ROBO2: variants seen among roughly 807,000 people sequenced by gnomAD.
ROBO2 encodes roundabout guidance receptor 2.
Under a neutral mutation model 160.8 loss-of-function variants are expected in ROBO2, and 53 were observed. The observed-to-expected ratio is 0.33, with a 90% CI of 0.26 to 0.41. The LOEUF is 0.41. ROBO2 is among the 10% of genes least tolerant of loss of function. The probability of loss-of-function intolerance (pLI) is 1.00; values close to 1 mark genes in which losing one functional copy is unlikely to be tolerated. For synonymous variants in ROBO2, 664 were observed against 611.7 expected (o/e 1.09, Z -1.26); for missense variants, 1,577 against 1,722.4 (o/e 0.92, Z 1.49).
At chr3:76,901,261 A>AATTTTT (rs1491125579) in intron 2 of ROBO2, among the ~76,000 whole-genome samples, 1 of 151,958 alleles carries the variant, frequency 6.6e-6, no homozygotes, top group African/African-American at 2.4e-5. Context: ...TTTAACTTTT[A>AATTTTT]ATTTTTATTT....
At position 77,309,131 on chromosome 3, in the gene ROBO2, T is replaced by C. The variant is rs549115785; in HGVS notation, c.389-168283T>C. On this transcript the variant is annotated intron_variant, in intron 2 of 25. Transcript: ENST00000461745. ...AAGTAATTTCAATTTATAGCTAGGA[T>C]TGAGAACCACTGGCTTAAAATCTAA... is the stretch of plus-strand genomic sequence containing the variant. Among the ~76,000 whole-genome samples, 6 of 152,112 alleles carry C rather than the reference T, an allele frequency of 3.9e-5. No individual in the cohort carries two copies. The East Asian group carries it at 1.2e-3, about 29-fold the overall frequency.
chr3:76,560,067 A>T (rs775180102), intron 2 of ROBO2, among the ~76,000 whole-genome samples: 1 of 152,028 alleles, frequency 6.6e-6, no homozygotes, highest in African/African-American at 2.4e-5. Context: ...CCCTTTCTGT[A>T]TATATTAATT....
intron 2 of ROBO2, among the ~76,000 whole-genome samples, chr3:76,633,154 T>A (rs2109495478): frequency 6.6e-6 from 1 of 152,294 alleles, no homozygotes; most frequent in African/African-American, 2.4e-5. Context: ...AATGTGTCAA[T>A]ACCAGGTACT....
intron 2 of ROBO2, among the ~76,000 whole-genome samples, chr3:76,704,898 A>AATTT (rs1313728913): frequency 6.6e-6 from 1 of 151,882 alleles, no homozygotes; most frequent in African/African-American, 2.4e-5. Flanking sequence ...TTAATTAATT[A>AATTT]ATTTATTTTG....
At chr3:76,959,060 T>C (rs1325001681) in intron 2 of ROBO2, among the ~76,000 whole-genome samples, 3 of 152,176 alleles carry the variant, frequency 2.0e-5, no homozygotes, top group African/African-American at 7.2e-5. Flanking sequence ...ACATTTTTCA[T>C]GTTGGAAACA....
At chr3:76,635,281 A>G (rs2090266797) in intron 2 of ROBO2, among the ~76,000 whole-genome samples, 1 of 152,170 alleles carries the variant, frequency 6.6e-6, no homozygotes. Context: ...GAATTATGCT[A>G]TCATCTTCGT....
intron 2 of ROBO2, among the ~76,000 whole-genome samples, chr3:77,450,976 C>T (rs1397562864): frequency 6.6e-6 from 1 of 151,996 alleles, no homozygotes; most frequent in Non-Finnish European, 1.5e-5. Context: ...AAGCATGTTC[C>T]AAACACCCTA....
intron 2 of ROBO2, among the ~76,000 whole-genome samples, chr3:77,323,470 C>T (rs914443927): frequency 1.3e-5 from 2 of 152,118 alleles, no homozygotes; most frequent in Non-Finnish European, 2.9e-5. Context: ...CCTGTTCTTT[C>T]TTCCAAAATT....
chr3:77,563,171 T>C (rs769479692), exon 11 of ROBO2: 1 of 1,613,164 alleles, frequency 6.2e-7, no homozygotes, highest in South Asian at 1.1e-5. Flanking sequence ...CTATAGAGTC[T>C]GGAGCAACAA....
intron 5 of ROBO2, among the ~76,000 whole-genome samples, chr3:77,500,800 A>G (rs2087480556): frequency 6.6e-6 from 1 of 152,110 alleles, no homozygotes; most frequent in Admixed American, 6.5e-5. Flanking sequence ...GGGGAGTGCA[A>G]GTTGCCTAGT....
At chr3:76,532,835 A>G (rs2082299751) in intron 2 of ROBO2, among the ~76,000 whole-genome samples, 1 of 152,232 alleles carries the variant, frequency 6.6e-6, no homozygotes, top group African/African-American at 2.4e-5. Context: ...ACATCATTAT[A>G]AAGTGTGAGA....
intron 2 of ROBO2, among the ~76,000 whole-genome samples, chr3:76,606,933 CATG>C (rs2087708944): frequency 6.6e-6 from 1 of 151,936 alleles, no homozygotes; most frequent in Non-Finnish European, 1.5e-5. Context: ...ATATATTTTT[CATG>C]ATTTTACATA....
chr3:76,984,598 C>G (rs1305425739), intron 2 of ROBO2, among the ~76,000 whole-genome samples: 2 of 152,032 alleles, frequency 1.3e-5, no homozygotes, highest in Non-Finnish European at 2.9e-5. Context: ...TTGGGTTTGC[C>G]ATCCTCCTAG....
At chr3:77,632,425 T>G (rs1415729985) in intron 23 of ROBO2, 6 of 1,386,320 alleles carry the variant, frequency 4.3e-6, no homozygotes, top group East Asian at 2.5e-5. Context: ...TACAAGCAGA[T>G]GAGATTTTCA....
intron 2 of ROBO2, among the ~76,000 whole-genome samples, chr3:76,852,682 C>G (rs1420685264): frequency 1.3e-5 from 2 of 152,070 alleles, no homozygotes; most frequent in Non-Finnish European, 1.5e-5. Context: ...TACCCCCAAT[C>G]TGAAATAATG....
intron 1 of ROBO2, among the ~76,000 whole-genome samples, chr3:77,068,125 G>T (rs954533802): frequency 6.6e-6 from 1 of 151,974 alleles, no homozygotes. Flanking sequence ...TTCTGTCATT[G>T]TTTTCATAAA....
At chr3:77,062,073 A>G (rs1343710497) in intron 1 of ROBO2, among the ~76,000 whole-genome samples, 1 of 152,178 alleles carries the variant, frequency 6.6e-6, no homozygotes, top group South Asian at 2.1e-4. Flanking sequence ...TCAAAACTGC[A>G]TCCTATGGTT....
intron 2 of ROBO2, among the ~76,000 whole-genome samples, chr3:76,650,827 A>G (rs73841265): frequency 0.029 from 4,453 of 152,244 alleles, 207 homozygotes; most frequent in African/African-American, 0.1. Flanking sequence ...GAGTACTGAG[A>G]TTATTTTGAA....
At chr3:76,563,990 G>T (rs1371228209) in intron 2 of ROBO2, among the ~76,000 whole-genome samples, 1 of 152,198 alleles carries the variant, frequency 6.6e-6, no homozygotes, top group Non-Finnish European at 1.5e-5. Context: ...TGGATCACTT[G>T]AGTTCAGGAG....
Sources: gnomAD v4.1 joint callset for allele counts (sites outside exome capture counted in the v4.1 genomes callset) on GRCh38, gnomAD v4.1.1 for gene constraint, MANE v1.5 for transcripts, NCBI Gene and HGNC (gene_info 2026-07-23, HGNC 2026-07-21) for gene names.